The following PIK3AP1 variants were observed in gnomAD, a reference collection of about 807,000 sequenced individuals.
PIK3AP1 encodes the protein phosphoinositide 3-kinase adapter protein 1.
PIK3AP1 carries 21 observed loss-of-function variants against 88.1 expected under a neutral mutation model. The observed-to-expected ratio is 0.24, with a 90% CI of 0.17 to 0.34. The LOEUF (loss-of-function observed/expected upper bound fraction) is 0.34. Ranked by LOEUF, PIK3AP1 falls within the 10% of genes least tolerant of loss-of-function variation. The pLI is 1.00. For missense variants in PIK3AP1, 828 were observed against 1,035.7 expected, an observed-to-expected ratio of 0.80 and a Z score of 2.75; for synonymous variants, 398 against 400.0, an observed-to-expected ratio of 1.00 and a Z score of 0.06.
rs1843446113 is a variant in PIK3AP1, at chr10:96,645,503, C to T, written c.1345G>A (p.Ala449Thr). The T allele has an allele frequency of 1.2e-6, 2 of 1,613,746 alleles. No homozygotes were observed. Among genetic ancestry groups the T allele is most frequent in the Non-Finnish European group, 1.7e-6 (2 of 1,179,844 alleles). The change falls in exon 8 of 17, where the codon GCC becomes ACC. Residue 449 changes from alanine to threonine, a missense_variant. Transcript: ENST00000339364. The stretch of plus-strand genomic sequence containing the variant: ...TCTTCAGTGGCAGCTGGGACAAAGG[C>T]AGCCATGGACTCATAGAGATCCTCG... ...CDEDLYESMA[A>T]FVPAATEDLY...
chr10:96,699,323 A>T (rs929166287), intron 2 of PIK3AP1, among the ~76,000 whole-genome samples: 1 of 152,252 alleles, frequency 6.6e-6, no homozygotes, highest in African/African-American at 2.4e-5. Context: ...AATCTGTGTT[A>T]TCTATAAAAC....
intron 1 of PIK3AP1, among the ~76,000 whole-genome samples, chr10:96,712,557 G>A (rs897863592): frequency 3.3e-5 from 5 of 152,024 alleles, no homozygotes; most frequent in Admixed American, 2.0e-4. Context: ...CAAAACTATA[G>A]AAGGTATAAC....
At chr10:96,714,432 T>C (rs1844477031) in intron 1 of PIK3AP1, among the ~76,000 whole-genome samples, 1 of 152,226 alleles carries the variant, frequency 6.6e-6, no homozygotes, top group South Asian at 2.1e-4. Context: ...GGGATCTGAC[T>C]CCAAAGTCCA....
In PIK3AP1 at chr10:96,636,212, G is replaced by A. The variant is rs190966637; in HGVS notation, c.1376-7719C>T. On this transcript the variant is annotated intron_variant, in intron 8 of 16. Coordinates refer to ENST00000339364, the MANE Select transcript of PIK3AP1 (RefSeq NM_152309.3). Reference sequence around the variant, plus strand: ...AGTCTGGGTGACAGAGCAAGACTCCGTCTCAGAAAAAATAAATAAATAAAT... The same window carrying A: ...AGTCTGGGTGACAGAGCAAGACTCCATCTCAGAAAAAATAAATAAATAAAT... Among the ~76,000 whole-genome samples, 69 of 151,788 alleles carry A rather than the reference G, an allele frequency of 4.5e-4. 1 individual carries two copies. Among genetic ancestry groups the A allele is most frequent in the Admixed American group, 1.1e-3 (17 of 15,248 alleles).
At chr10:96,694,902 G>A (rs1844200910) in intron 2 of PIK3AP1, among the ~76,000 whole-genome samples, 1 of 152,068 alleles carries the variant, frequency 6.6e-6, no homozygotes, top group South Asian at 2.1e-4. Flanking sequence ...TCTAAAGCTA[G>A]ATTGTTTTGC....
At chr10:96,646,356 C>T (rs1185491970) in intron 7 of PIK3AP1, among the ~76,000 whole-genome samples, 1 of 152,006 alleles carries the variant, frequency 6.6e-6, no homozygotes, top group Non-Finnish European at 1.5e-5. Flanking sequence ...CATTCCACTA[C>T]TGCTTGAGAA....
chr10:96,656,876 G>A lies in PIK3AP1; in HGVS notation c.489C>T (p.Tyr163=). The stretch of plus-strand genomic sequence containing the variant: ...CCGTCGGCAGGTTCTGCTGCTTCGA[G>A]TAGGAAACAACCTTCTCGTCCTCAG... The part of the protein sequence containing the change: ...TEPEDEKVVS[Y]SKQQNLPTVT... Residue 163 remains tyrosine, a synonymous_variant, in exon 3 of 17, where the codon TAC becomes TAT. Coordinates refer to ENST00000339364, the MANE Select transcript of PIK3AP1 (RefSeq NM_152309.3). 1 of 1,614,112 alleles carries A rather than the reference G, an allele frequency of 6.2e-7. No homozygotes were observed.
intron 1 of PIK3AP1, among the ~76,000 whole-genome samples, chr10:96,715,847 G>GCA (rs1844495161): frequency 1.3e-5 from 2 of 149,658 alleles, no homozygotes; most frequent in African/African-American, 2.5e-5. Flanking sequence ...CTGAGATCAT[G>GCA]CCACTGCACT....
At chr10:96,662,815 G>A (rs1843708319) in intron 2 of PIK3AP1, among the ~76,000 whole-genome samples, 1 of 142,214 alleles carries the variant, frequency 7.0e-6, no homozygotes, top group African/African-American at 2.6e-5. Flanking sequence ...CGGGGAAGCG[G>A]AGCTTGCAGT....
intron 16 of PIK3AP1, among the ~76,000 whole-genome samples, chr10:96,599,896 A>G (rs1848855196): frequency 6.6e-6 from 1 of 151,930 alleles, no homozygotes; most frequent in African/African-American, 2.4e-5. Flanking sequence ...CAACTCAACC[A>G]CCATCTCTTT....
Position 96,709,871 on chromosome 10 carries a change from T to A in PIK3AP1, c.126A>T (p.Ile42=). Residue 42 remains isoleucine, a synonymous_variant, in exon 2 of 17, where the codon ATA becomes ATT. Coordinates refer to ENST00000339364, the MANE Select transcript of PIK3AP1 (RefSeq NM_152309.3). The part of the protein sequence containing the change: ...LSSRQVRSQK[I]LTHRLGPEAS... ...CCTCGGGGCCCAGCCTGTGAGTCAG[T>A]ATCTTCTGGCTGCGGACCTGCCGAC... 1 of 1,613,892 alleles carries A rather than the reference T, an allele frequency of 6.2e-7. No individual in the cohort carries two copies. The highest frequency in any genetic ancestry group is 8.5e-7 in the Non-Finnish European group (1 of 1,179,990).
At chr10:96,606,114 T>C (rs1848998676) in intron 14 of PIK3AP1, among the ~76,000 whole-genome samples, 2 of 152,110 alleles carry the variant, frequency 1.3e-5, no homozygotes, top group Non-Finnish European at 2.9e-5. Context: ...AAGGAACATG[T>C]GATCCTGTCT....
At chr10:96,710,054 A>T in intron 1 of PIK3AP1, 71 bp from the exon 2 acceptor site, 1 of 1,460,118 alleles carries the variant, frequency 6.8e-7, no homozygotes, top group Non-Finnish European at 9.2e-7. Flanking sequence ...CAGCCTGCAA[A>T]GGTAGAGCAT....
intron 2 of PIK3AP1, among the ~76,000 whole-genome samples, chr10:96,674,333 C>A (rs1034620359): frequency 1.1e-4 from 17 of 152,336 alleles, no homozygotes; most frequent in African/African-American, 4.1e-4. Context: ...ATCTCTGCCA[C>A]TTCCTGGGTA....
chr10:96,696,538 T>C (rs1046043901), intron 2 of PIK3AP1, among the ~76,000 whole-genome samples: 2 of 152,176 alleles, frequency 1.3e-5, no homozygotes, highest in South Asian at 2.1e-4. Flanking sequence ...GGAAACCAAA[T>C]TGAAAAGCTG....
rs978305093 is a variant in PIK3AP1 at position 96,720,408 on chromosome 10, G to C, written c.-14C>G. On this transcript the variant is annotated 5_prime_UTR_variant, in exon 1 of 17. Transcript: ENST00000339364. This position sits in a 1 kb window ranked among gnomAD's most constrained non-coding sequence, Gnocchi z 4.6. ...TGAGGCTGCCATGCCGCGGGGCGCC[G>C]CTCACATCCCTGGCTCGCTGCGTGC... 1.1e-5 allele frequency: 13 copies of C among 1,236,828 alleles called. No homozygotes were observed. In the African/African-American group the frequency reaches 2.0e-4, roughly 19 times the overall value. 76.6% of individuals were successfully genotyped at this position (1,236,828 alleles called of 1,614,324 possible).
At chr10:96,637,316 A>ACT (rs1554956461) in intron 8 of PIK3AP1, among the ~76,000 whole-genome samples, 5,090 of 114,874 alleles carry the variant, frequency 0.044, 108 homozygotes, top group African/African-American at 0.11. Context: ...ATATACAATC[A>ACT]CACACACACA....
At chr10:96,637,416 T>C (rs1386562544) in intron 8 of PIK3AP1, among the ~76,000 whole-genome samples, 1 of 151,470 alleles carries the variant, frequency 6.6e-6, no homozygotes, top group African/African-American at 2.4e-5. Context: ...CAGGCTGGAG[T>C]GCAGTGGTGC....
chr10:96,715,701 T>C (rs1741108958), intron 1 of PIK3AP1, among the ~76,000 whole-genome samples: 1 of 151,926 alleles, frequency 6.6e-6, no homozygotes. Context: ...CCATCCTGGC[T>C]AACATGGTGA....
Sources: gnomAD v4.1 joint callset for allele counts (sites outside exome capture counted in the v4.1 genomes callset) on GRCh38, gnomAD v4.1.1 for gene constraint, Gnocchi (gnomAD v3.1) non-coding constraint, MANE v1.5 for transcripts, NCBI Gene and HGNC (gene_info 2026-07-23, HGNC 2026-07-21) for gene names.